PHKB: variants seen among roughly 807,000 people sequenced by gnomAD.
PHKB encodes phosphorylase b kinase regulatory subunit beta.
PHKB carries 122 observed loss-of-function variants against 152.1 expected under a neutral mutation model. The ratio of observed to expected loss-of-function variants is 0.80; its 90% CI spans 0.69 to 0.93. The LOEUF (loss-of-function observed/expected upper bound fraction) is 0.93, where lower values mean the gene tolerates loss of function less well. PHKB is among the 40% of genes least tolerant of loss of function. The pLI, the probability that PHKB is intolerant of heterozygous loss-of-function variation, is 0.00. For synonymous variants in PHKB, 436 were observed against 464.9 expected (o/e 0.94, Z 0.80); for missense variants, 1,304 against 1,328.4 (o/e 0.98, Z 0.29).
chr16:47,665,028 T>A, intron 25 of PHKB, 53 bp downstream of exon 25: 1 of 1,151,148 alleles, frequency 8.7e-7, no homozygotes, highest in Non-Finnish European at 1.3e-6. Context: ...GTGGGCTTAT[T>A]TGCACTCTGA....
intron 6 of PHKB, among the ~76,000 whole-genome samples, chr16:47,522,226 C>G (rs558938694): frequency 6.6e-6 from 1 of 152,016 alleles, no homozygotes; most frequent in Non-Finnish European, 1.5e-5. Context: ...TTTTTGATTA[C>G]CATTTCTCTT....
At chr16:47,529,345 A>ATT (rs759050927) in intron 6 of PHKB, 197 of 131,232 alleles carry the variant, frequency 1.5e-3, no homozygotes, top group African/African-American at 3.6e-3. Context: ...TTAAAAAATA[A>ATT]TTTTTTTTTT....
chr16:47,653,004 T>A (rs1973266660), intron 20 of PHKB, among the ~76,000 whole-genome samples: 1 of 151,854 alleles, frequency 6.6e-6, no homozygotes, highest in South Asian at 2.1e-4. Context: ...TTTTTTTTTT[T>A]AATGTTTCTT....
At chr16:47,665,600 A>C (rs1042127538) in intron 25 of PHKB, 5 of 359,184 alleles carry the variant, frequency 1.4e-5, no homozygotes, top group Non-Finnish European at 2.1e-5. Context: ...TGTTAATGCA[A>C]AATCAGAATA....
At chr16:47,671,403 CATA>C (rs1302202196) in intron 26 of PHKB, among the ~76,000 whole-genome samples, 1 of 152,128 alleles carries the variant, frequency 6.6e-6, no homozygotes, top group East Asian at 1.9e-4. Context: ...TAACTATATA[CATA>C]ATGTTGTCTT....
intron 27 of PHKB, among the ~76,000 whole-genome samples, chr16:47,691,401 T>C (rs1974057357): frequency 6.6e-6 from 1 of 152,140 alleles, no homozygotes; most frequent in Admixed American, 6.5e-5. Flanking sequence ...TATAGTTATG[T>C]AAGATAACAA....
intron 6 of PHKB, among the ~76,000 whole-genome samples, chr16:47,526,600 C>T (rs1002701698): frequency 2.7e-5 from 4 of 150,914 alleles, no homozygotes; most frequent in Non-Finnish European, 1.5e-5. Context: ...AGTGACAGAG[C>T]AAGATTCCAT....
At chr16:47,577,073 G>A (rs1971761769) in intron 7 of PHKB, among the ~76,000 whole-genome samples, 1 of 150,986 alleles carries the variant, frequency 6.6e-6, no homozygotes, top group African/African-American at 2.4e-5. Context: ...TTTTTTGTTT[G>A]TTTATTCTAT....
Position 47,669,712 on chromosome 16 carries a change from A to G in PHKB, c.2630+295A>G, listed in dbSNP as rs149649390. 2.6e-5 allele frequency among the ~76,000 whole-genome samples: 4 copies of G among 152,382 alleles called. No homozygotes were observed. In the East Asian group the frequency reaches 7.7e-4, roughly 29 times the overall value. On this transcript the variant is annotated intron_variant, in intron 26 of 30. Coordinates refer to ENST00000323584, the MANE Select transcript of PHKB (RefSeq NM_000293.3). Reference sequence around the variant, plus strand: ...CTGTGTCGTGTAAAACGCTAAGCACAGTACTTGCAAAAATTCCTAGAAATA... The same window carrying G: ...CTGTGTCGTGTAAAACGCTAAGCACGGTACTTGCAAAAATTCCTAGAAATA...
intron 14 of PHKB, among the ~76,000 whole-genome samples, chr16:47,635,295 T>G (rs1452411304): frequency 1.3e-5 from 2 of 152,176 alleles, no homozygotes; most frequent in Non-Finnish European, 2.9e-5. Flanking sequence ...TTAACCACTC[T>G]TTGCCTCAGT....
intron 10 of PHKB, among the ~76,000 whole-genome samples, chr16:47,593,263 AAGAG>A (rs146578432): frequency 1.4e-5 from 2 of 145,588 alleles, no homozygotes; most frequent in Non-Finnish European, 3.0e-5. Context: ...GAAAGAAAGA[AAGAG>A]AGAGAGAGAC....
At chr16:47,696,891 T>C (rs1974157975) in intron 29 of PHKB, among the ~76,000 whole-genome samples, 1 of 152,230 alleles carries the variant, frequency 6.6e-6, no homozygotes. Flanking sequence ...TTCAGCAGTT[T>C]AGAAAATTAT....
At chr16:47,597,388 G>A (rs887839424) in intron 13 of PHKB, among the ~76,000 whole-genome samples, 20 of 152,090 alleles carry the variant, frequency 1.3e-4, no homozygotes, top group Admixed American at 6.5e-4. Flanking sequence ...TATTTCACAG[G>A]ACAGATTTCC....
intron 7 of PHKB, among the ~76,000 whole-genome samples, chr16:47,557,314 TA>T (rs1264158616): frequency 3.3e-5 from 5 of 152,184 alleles, no homozygotes; most frequent in Admixed American, 6.6e-5. Flanking sequence ...ATTCAGGACA[TA>T]GGCATGGGCA....
In PHKB at chr16:47,605,443, G is replaced by A. The variant is rs369216404; in HGVS notation, c.1364-5383G>A. ...CATTTATGCTTTACAAGGATATAAGGTTTCTTAATTTATCTGTCACTATTT... is the reference window on the plus strand; with the variant it reads ...CATTTATGCTTTACAAGGATATAAGATTTCTTAATTTATCTGTCACTATTT... On this transcript the variant is annotated intron_variant, in intron 13 of 30. Coordinates refer to ENST00000323584, the MANE Select transcript of PHKB (RefSeq NM_000293.3). 1.2e-4 allele frequency among the ~76,000 whole-genome samples: 19 copies of A among 152,218 alleles called. No homozygotes were observed. In the South Asian group the frequency reaches 3.9e-3, roughly 32 times the overall value.
chr16:47,683,533 G>A (rs1387382914), intron 26 of PHKB, among the ~76,000 whole-genome samples: 3 of 152,170 alleles, frequency 2.0e-5, no homozygotes, highest in South Asian at 2.1e-4. Flanking sequence ...AGCAATCAGC[G>A]AGACTCCGTG....
intron 7 of PHKB, 21 bp from the exon 8 acceptor site, chr16:47,580,274 G>C: frequency 6.3e-7 from 1 of 1,593,758 alleles, no homozygotes; most frequent in Non-Finnish European, 8.6e-7. Flanking sequence ...GAGTAATAAA[G>C]CATTTCCTTT....
intron 6 of PHKB, among the ~76,000 whole-genome samples, chr16:47,530,687 G>A (rs1332686167): frequency 1.3e-5 from 2 of 152,206 alleles, no homozygotes; most frequent in South Asian, 2.1e-4. Context: ...CTATAGAGCA[G>A]CAATAACTAG....
At chr16:47,571,342 A>G (rs116244698) in intron 7 of PHKB, among the ~76,000 whole-genome samples, 59 of 152,280 alleles carry the variant, frequency 3.9e-4, no homozygotes, top group African/African-American at 1.4e-3. Context: ...GTGGTGGACA[A>G]AAGTCTCAAC....
Sources: allele counts gnomAD v4.1 joint callset (sites outside exome capture counted in the v4.1 genomes callset), GRCh38; gene constraint gnomAD v4.1.1; transcripts MANE v1.5; gene names NCBI Gene and HGNC (gene_info 2026-07-23, HGNC 2026-07-21).